Variants in BMPR1B observed in about 807,000 individuals in gnomAD.
BMPR1B encodes the protein bone morphogenetic protein receptor type-1B.
In BMPR1B, 12 loss-of-function variants were observed where a neutral mutation model predicts 59.1. The ratio of observed to expected loss-of-function variants is 0.20; its 90% CI spans 0.13 to 0.33. The LOEUF is 0.33. Ranked by LOEUF, BMPR1B falls within the 10% of genes least tolerant of loss-of-function variation. BMPR1B has a pLI of 1.00. For synonymous variants in BMPR1B, 237 were observed against 207.3 expected (o/e 1.14, Z -1.23); for missense variants, 550 against 610.9 (o/e 0.90, Z 1.05).
chr4:94,842,535 A>G lies in BMPR1B; in HGVS notation c.-182-33296A>G, dbSNP rs1020403024. Among the ~76,000 whole-genome samples, 11 of 152,324 alleles carry G rather than the reference A, an allele frequency of 7.2e-5. No individual in the cohort carries two copies. The East Asian group carries it at 1.9e-3, about 27-fold the overall frequency. ...ATTAACCAGTTCTTGGATATTAATA[A>G]TCATAGTAAAAACATCTGAGGATAC... is the stretch of plus-strand genomic sequence containing the variant. On this transcript the variant is annotated intron_variant, in intron 1 of 12. Coordinates refer to ENST00000515059, the MANE Select transcript of BMPR1B (RefSeq NM_001203.3).
chr4:95,136,067 C>T (rs1354378557), intron 10 of BMPR1B, among the ~76,000 whole-genome samples: 10 of 152,040 alleles, frequency 6.6e-5, no homozygotes, highest in African/African-American at 2.2e-4. Context: ...GAGTTTTTAG[C>T]ATGGAGGGCT....
intron 2 of BMPR1B, among the ~76,000 whole-genome samples, chr4:94,941,539 A>G (rs906168092): frequency 4.6e-5 from 7 of 152,216 alleles, no homozygotes; most frequent in African/African-American, 1.4e-4. Flanking sequence ...AGATTTTTAA[A>G]ATTTTTATTT....
intron 6 of BMPR1B, among the ~76,000 whole-genome samples, chr4:95,118,559 CAG>C (rs1732240498): frequency 6.6e-6 from 1 of 152,210 alleles, no homozygotes; most frequent in Non-Finnish European, 1.5e-5. Flanking sequence ...ACTTGCCTCT[CAG>C]AGTGAACCAG....
intron 1 of BMPR1B, among the ~76,000 whole-genome samples, chr4:94,862,706 C>G (rs112321344): frequency 0.069 from 10,403 of 150,614 alleles, 906 homozygotes; most frequent in African/African-American, 0.21. Context: ...AGCACTTTGG[C>G]AGGCCGAGAC....
At chr4:95,008,632 G>A (rs1343937107) in intron 3 of BMPR1B, among the ~76,000 whole-genome samples, 4 of 151,754 alleles carry the variant, frequency 2.6e-5, no homozygotes, top group Non-Finnish European at 5.9e-5. Context: ...CAGAAATAGA[G>A]CAAATAATAA....
chr4:95,085,798 G>C (rs1729529053), intron 3 of BMPR1B, among the ~76,000 whole-genome samples: 2 of 152,164 alleles, frequency 1.3e-5, no homozygotes, highest in South Asian at 4.1e-4. Flanking sequence ...GGCATTTTAT[G>C]AAGAACTTAG....
chr4:94,875,278 A>G (rs1421223163), intron 1 of BMPR1B, among the ~76,000 whole-genome samples: 2 of 152,222 alleles, frequency 1.3e-5, no homozygotes, highest in Non-Finnish European at 1.5e-5. Context: ...GGTGTTCTTG[A>G]TCTCTACTAC....
At chr4:94,892,247 T>C (rs1334978254) in intron 2 of BMPR1B, among the ~76,000 whole-genome samples, 1 of 152,090 alleles carries the variant, frequency 6.6e-6, no homozygotes. Context: ...ACAGGGTGGT[T>C]GGTCTGGGAA....
intron 7 of BMPR1B, 138 bp from the exon 8 acceptor site, chr4:95,124,845 G>A: frequency 1.3e-6 from 1 of 785,222 alleles, no homozygotes; most frequent in South Asian, 1.8e-5. Flanking sequence ...CCATAACTAA[G>A]AGTAAAAAAT....
chr4:94,902,629 T>C (rs1164080376), intron 2 of BMPR1B, among the ~76,000 whole-genome samples: 18 of 151,980 alleles, frequency 1.2e-4, no homozygotes, highest in Admixed American at 1.2e-3. Context: ...ATTAAACAGC[T>C]TAAGATATAG....
chr4:94,788,428 T>C (rs1722839987), intron 1 of BMPR1B, among the ~76,000 whole-genome samples: 1 of 152,040 alleles, frequency 6.6e-6, no homozygotes, highest in African/African-American at 2.4e-5. Flanking sequence ...AATGGACATT[T>C]TGAACAGCCA....
intron 1 of BMPR1B, among the ~76,000 whole-genome samples, chr4:94,809,762 C>T (rs917100530): frequency 6.6e-6 from 1 of 152,218 alleles, no homozygotes. Flanking sequence ...AGTTAGCTTT[C>T]TACAGCTTGC....
intron 4 of BMPR1B, among the ~76,000 whole-genome samples, chr4:95,114,131 G>A (rs770257371): frequency 6.6e-6 from 1 of 152,090 alleles, no homozygotes; most frequent in Non-Finnish European, 1.5e-5. Flanking sequence ...CAGAATCTCA[G>A]TTATGCCATG....
At chr4:94,781,537 C>T (rs927042831) in intron 1 of BMPR1B, among the ~76,000 whole-genome samples, 16 of 152,062 alleles carry the variant, frequency 1.1e-4, no homozygotes, top group African/African-American at 2.4e-4. Context: ...CTCAGCCTCC[C>T]GAGTAGCTGG....
At chr4:94,868,900 T>C (rs1285194750) in intron 1 of BMPR1B, among the ~76,000 whole-genome samples, 3 of 152,194 alleles carry the variant, frequency 2.0e-5, no homozygotes, top group Non-Finnish European at 4.4e-5. Flanking sequence ...ATTTCTTCTG[T>C]AACTGCTAGT....
chr4:94,772,615 A>C (rs1722225757), intron 1 of BMPR1B, among the ~76,000 whole-genome samples: 1 of 152,210 alleles, frequency 6.6e-6, no homozygotes, highest in Admixed American at 6.5e-5. Flanking sequence ...TATTGCAAAA[A>C]TGTAATAAGA....
At chr4:94,960,400 C>G (rs1215976820) in intron 2 of BMPR1B, among the ~76,000 whole-genome samples, 6 of 152,010 alleles carry the variant, frequency 3.9e-5, no homozygotes, top group Non-Finnish European at 8.8e-5. Flanking sequence ...TCAGGGACTA[C>G]CCAGAGATGG....
intron 3 of BMPR1B, among the ~76,000 whole-genome samples, chr4:95,071,778 T>A (rs1728319888): frequency 6.6e-6 from 1 of 151,416 alleles, no homozygotes; most frequent in Non-Finnish European, 1.5e-5. Context: ...TACTTCAGAT[T>A]TAGTTAAATA....
intron 2 of BMPR1B, among the ~76,000 whole-genome samples, chr4:94,906,678 C>T (rs1560541034): frequency 6.6e-6 from 1 of 151,974 alleles, no homozygotes; most frequent in African/African-American, 2.4e-5. Context: ...AAGAAAGATG[C>T]ATCCTTTCAT....
Sources: allele counts gnomAD v4.1 joint callset (sites outside exome capture counted in the v4.1 genomes callset), GRCh38; gene constraint gnomAD v4.1.1; transcripts MANE v1.5; gene names NCBI Gene and HGNC (gene_info 2026-07-23, HGNC 2026-07-21).